The following DDX31 variants were observed in gnomAD, a reference collection of about 807,000 sequenced individuals.
The protein encoded by DDX31 is ATP-dependent DNA helicase DDX31.
DDX31 carries 70 observed loss-of-function variants against 91.3 expected under a neutral mutation model. The observed-to-expected ratio is 0.77, with a 90% CI of 0.63 to 0.94. DDX31 has a LOEUF of 0.94. Ranked by LOEUF, DDX31 falls within the 40% of genes least tolerant of loss-of-function variation. DDX31 has a pLI of 0.00. For missense variants in DDX31, 902 were observed against 925.0 expected (o/e 0.98, Z 0.32); for synonymous variants, 362 against 350.6 (o/e 1.03, Z -0.36).
At chr9:132,619,534 G>C (rs530911528) in intron 17 of DDX31, among the ~76,000 whole-genome samples, 1 of 152,318 alleles carries the variant, frequency 6.6e-6, no homozygotes, top group East Asian at 1.9e-4. Flanking sequence ...GAACAAAGGG[G>C]AGGAAAGAAA....
chr9:132,634,597 T>G (rs1261321811), intron 14 of DDX31, among the ~76,000 whole-genome samples: 5 of 150,390 alleles, frequency 3.3e-5, no homozygotes, highest in South Asian at 4.4e-4. Context: ...TTTTTTTTTT[T>G]TTTTTTTTTT....
intron 19 of DDX31, among the ~76,000 whole-genome samples, chr9:132,610,099 A>G (rs1361402373): frequency 1.3e-5 from 2 of 152,180 alleles, no homozygotes; most frequent in African/African-American, 4.8e-5. Context: ...ATGCATGAGT[A>G]CTGGGGAGAG....
Position 132,662,661 on chromosome 9 carries a change from G to A in DDX31, c.110C>T (p.Ser37Phe), listed in dbSNP as rs769186399. The change falls in exon 2 of 20, where the codon TCC becomes TTC. Residue 37 changes from serine to phenylalanine, a missense_variant. Physicochemically the swap from Ser to Phe is radical, Grantham distance 155 (BLOSUM62 -2). Coordinates refer to ENST00000372159, the MANE Select transcript of DDX31 (RefSeq NM_022779.9). Reference protein sequence around the residue: ...AKATKRKYQASSEAPPAKRRN... With the variant: ...AKATKRKYQAFSEAPPAKRRN... The stretch of plus-strand genomic sequence containing the variant: ...CCGTTTCGCTGGGGGAGCCTCACTG[G>A]ACGCTTGGTATTTTCTTTTCGTAGC... 11 of 1,614,040 alleles carry A rather than the reference G, an allele frequency of 6.8e-6. No individual in the cohort carries two copies. Among genetic ancestry groups the A allele is most frequent in the Non-Finnish European group, 8.5e-6 (10 of 1,180,048 alleles).
chr9:132,606,637 T>G (rs551391), intron 19 of DDX31, among the ~76,000 whole-genome samples: 44,586 of 152,020 alleles, frequency 0.29, 6,705 homozygotes, highest in East Asian at 0.54. Flanking sequence ...AAGGGCGACT[T>G]GAGTACCTCC....
In DDX31 at chr9:132,646,863, C is replaced by T. The variant is rs141103641; in HGVS notation, c.1163G>A (p.Arg388Lys). ...GATGAAGGCCGCTAGGCAGACAAGC[C>T]TCAGTTTGCTGGGAACCACAGTCAC... ...QHVTVVPSKLRLVCLAAFILQ... is the reference protein window; with the variant it reads ...QHVTVVPSKLKLVCLAAFILQ... Residue 388 changes from arginine (R) to lysine (K), a missense_variant, in exon 12 of 20, where the codon AGG becomes AAG. Transcript: ENST00000372159. 520 of 1,614,176 alleles carry T rather than the reference C, an allele frequency of 3.2e-4. 1 individual carries two copies. The Middle Eastern group carries it at 4.6e-3, about 14-fold the overall frequency.
intron 16 of DDX31, among the ~76,000 whole-genome samples, chr9:132,628,315 C>T (rs1832520173): frequency 6.6e-6 from 1 of 152,206 alleles, no homozygotes; most frequent in African/African-American, 2.4e-5. Flanking sequence ...CAGAGTTCCT[C>T]CCCAAAAGAC....
intron 18 of DDX31, 101 bp from the exon 19 acceptor site, chr9:132,612,356 G>A (rs1161315233): frequency 7.3e-7 from 1 of 1,361,526 alleles, no homozygotes; most frequent in Non-Finnish European, 1.0e-6. Flanking sequence ...ATCTTGCCAG[G>A]CAACGAAACA....
intron 14 of DDX31, among the ~76,000 whole-genome samples, 177 bp from the exon 15 acceptor site, chr9:132,632,268 A>ACAGTCCTG (rs1832824053): frequency 6.9e-6 from 1 of 145,162 alleles, no homozygotes; most frequent in Admixed American, 6.8e-5. Flanking sequence ...ACACACACAC[A>ACAGTCCTG]CACACACACA....
chr9:132,634,182 T>C (rs1832960734), intron 14 of DDX31, among the ~76,000 whole-genome samples: 1 of 152,226 alleles, frequency 6.6e-6, no homozygotes, highest in African/African-American at 2.4e-5. Flanking sequence ...TTTCTCTTTG[T>C]GTTTGGCTTT....
At position 132,648,308 on chromosome 9, in the gene DDX31, A is replaced by T. The variant is rs763523819; in HGVS notation, c.861-13T>A. Reference sequence around the variant, plus strand: ...CAAATCCAAGATTCTGTGATTGTAAAAAAAAAAAGAAATTTTCAACTATAT... The same window carrying T: ...CAAATCCAAGATTCTGTGATTGTAATAAAAAAAAGAAATTTTCAACTATAT... On this transcript the variant is annotated splice_polypyrimidine_tract_variant and intron_variant, in intron 10 of 19. Transcript: ENST00000372159. 1.0e-5 allele frequency: 16 copies of T among 1,602,348 alleles called. No individual in the cohort carries two copies. Among genetic ancestry groups the T allele is most frequent in the Non-Finnish European group, 1.4e-5 (16 of 1,176,316 alleles).
chr9:132,606,022 C>A (rs983823334), intron 19 of DDX31, among the ~76,000 whole-genome samples: 2 of 151,866 alleles, frequency 1.3e-5, no homozygotes, highest in East Asian at 1.9e-4. Context: ...GTTTGGGAAG[C>A]GGAGGGAAGA....
intron 17 of DDX31, among the ~76,000 whole-genome samples, chr9:132,620,899 G>A (rs920026878): frequency 6.6e-6 from 1 of 152,186 alleles, no homozygotes; most frequent in South Asian, 2.1e-4. Context: ...TGGACCATGG[G>A]TAGTTTAGAA....
chr9:132,665,640 C>T (rs916418180), intron 1 of DDX31, among the ~76,000 whole-genome samples: 8 of 152,146 alleles, frequency 5.3e-5, no homozygotes, highest in Admixed American at 1.3e-4. Context: ...CTAAAAAATT[C>T]GTTTGAGTCT....
At chr9:132,603,335 T>C (rs141488983) in intron 19 of DDX31, among the ~76,000 whole-genome samples, 15 of 152,334 alleles carry the variant, frequency 9.8e-5, no homozygotes, top group Middle Eastern at 3.4e-3. Flanking sequence ...TGAAAAAGAC[T>C]TGAAGTCATT....
chr9:132,658,809 G>T, intron 5 of DDX31, 74 bp from the exon 6 acceptor site: 2 of 1,392,548 alleles, frequency 1.4e-6, no homozygotes, highest in Non-Finnish European at 2.0e-6. Context: ...GGATGTAAAG[G>T]AAACAGGCTC....
Position 132,668,565 on chromosome 9 carries a change from G to A in DDX31, c.75+1295C>T, listed in dbSNP as rs1298219816. Among the ~76,000 whole-genome samples the A allele has an allele frequency of 1.0e-4, 11 of 109,752 alleles. No individual in the cohort carries two copies. The Admixed American group carries it at 1.2e-3, about 12-fold the overall frequency. The allele number at this position is 109,752 out of a possible 152,430, so 72.0% of individuals were successfully genotyped here. A position where few individuals can be genotyped will look rare whatever the true frequency, so the allele number is the denominator to read the frequency against. On this transcript the variant is annotated intron_variant, in intron 1 of 19. Transcript: ENST00000372159. ...AACATGTGCCCAAGGTGGTCGGGGT[G>A]CAGCTTTTTTTTTTTTTTTTGAGAC...
rs1407115083 is a variant in DDX31 at position 132,629,440 on chromosome 9, T to C, written c.1631+824A>G. Among the ~76,000 whole-genome samples, 3 of 152,224 alleles carry C rather than the reference T, an allele frequency of 2.0e-5. No individual in the cohort carries two copies. The East Asian group carries it at 5.8e-4, about 29-fold the overall frequency. On this transcript the variant is annotated intron_variant, in intron 16 of 19. Transcript: ENST00000372159. The stretch of plus-strand genomic sequence containing the variant: ...AGTCTTACTAGCATGAGAGGCAGAG[T>C]TCTGCGGATGGGAGACGGGGCAGGT...
intron 14 of DDX31, 95 bp downstream of exon 14, chr9:132,641,909 G>A: frequency 7.4e-7 from 1 of 1,345,056 alleles, no homozygotes; most frequent in African/African-American, 1.4e-5. Context: ...GGGCCCTGTA[G>A]GACTGACCAC....
At chr9:132,661,119 C>T in intron 4 of DDX31, 89 bp downstream of exon 4, 1 of 1,157,330 alleles carries the variant, frequency 8.6e-7, no homozygotes, top group Non-Finnish European at 1.3e-6. Flanking sequence ...AACGCCAAGA[C>T]ACAAATTTGC....
Sources: allele counts gnomAD v4.1 joint callset (sites outside exome capture counted in the v4.1 genomes callset), GRCh38; gene constraint gnomAD v4.1.1; transcripts MANE v1.5; gene names NCBI Gene and HGNC (gene_info 2026-07-23, HGNC 2026-07-21).